The following NID1 variants were observed in gnomAD, a reference collection of about 807,000 sequenced individuals.
NID1 encodes the protein nidogen-1.
NID1 carries 76 observed loss-of-function variants against 130.6 expected under a neutral mutation model. That is an observed-to-expected ratio of 0.58 (90% CI 0.48 to 0.70). The LOEUF (loss-of-function observed/expected upper bound fraction) is 0.70. Among genes scored for constraint, NID1 ranks in the 30% least tolerant of loss-of-function variants. The pLI is 0.00. For missense variants in NID1, 1,517 were observed against 1,664.8 expected, an observed-to-expected ratio of 0.91 and a Z score of 1.54; for synonymous variants, 665 against 675.1, an observed-to-expected ratio of 0.98 and a Z score of 0.23.
At chr1:235,993,496 A>C in intron 13 of NID1, 149 bp downstream of exon 13, 12 of 685,784 alleles carry the variant, frequency 1.7e-5, no homozygotes, top group African/African-American at 3.5e-5. Context: ...GTGAGAGGGA[A>C]GAAGGGTGCA....
At chr1:235,998,043 G>A (rs1421193852) in intron 12 of NID1, among the ~76,000 whole-genome samples, 3 of 152,186 alleles carry the variant, frequency 2.0e-5, no homozygotes, top group African/African-American at 4.8e-5. Flanking sequence ...GGGAGGTGAC[G>A]AGACAAGGCA....
Position 236,064,985 on chromosome 1 carries a change from T to C in NID1, c.95A>G (p.Gln32Arg). 1 of 1,572,444 alleles carries C rather than the reference T, an allele frequency of 6.4e-7. No individual in the cohort carries two copies. Among genetic ancestry groups the C allele is most frequent in the African/African-American group, 1.4e-5 (1 of 73,784 alleles). Reference sequence around the variant, plus strand: ...TCCGGGGCCGAAGGGAAAGAGCTCCTGGCGGCTCAGGCAGCCCACAGGCCC... The same window carrying C: ...TCCGGGGCCGAAGGGAAAGAGCTCCCGGCGGCTCAGGCAGCCCACAGGCCC... ...LAGPVGCLSR[Q>R]ELFPFGPGQG... The change falls in exon 1 of 20, where the codon CAG becomes CGG. Residue 32 changes from glutamine (Q) to arginine (R), a missense_variant. Gln to Arg is a conservative substitution (Grantham distance 43, BLOSUM62 1). This residue lies in a region of NID1 where 1,329 missense variants were observed against 1,429.2 expected (regional missense o/e 0.93). Coordinates refer to ENST00000264187, the MANE Select transcript of NID1 (RefSeq NM_002508.3).
chr1:235,980,002 CA>C (rs3831989), intron 17 of NID1, 57 bp from the exon 18 acceptor site: 20 of 1,572,670 alleles, frequency 1.3e-5, no homozygotes, highest in Non-Finnish European at 1.3e-5. Context: ...CCCCTTTGTG[CA>C]AAAAAAACAA....
At chr1:235,994,700 C>CTTT (rs11397466) in intron 12 of NID1, among the ~76,000 whole-genome samples, 5 of 142,122 alleles carry the variant, frequency 3.5e-5, no homozygotes, top group Admixed American at 6.9e-5. Context: ...TCTTCTTCTT[C>CTTT]TTTTTTTTTT....
At chr1:236,043,052 T>C (rs1397111542) in intron 3 of NID1, among the ~76,000 whole-genome samples, 1 of 152,158 alleles carries the variant, frequency 6.6e-6, no homozygotes, top group Non-Finnish European at 1.5e-5. Context: ...GTTGAACACA[T>C]CAAGGTGCGG....
At chr1:236,037,475 T>G (rs1659293572) in intron 5 of NID1, among the ~76,000 whole-genome samples, 1 of 152,182 alleles carries the variant, frequency 6.6e-6, no homozygotes, top group African/African-American at 2.4e-5. Context: ...CTGGCCAACA[T>G]GGAGAAACCC....
intron 14 of NID1, 96 bp from the exon 15 acceptor site, chr1:235,985,601 A>G (rs996705797): frequency 5.8e-6 from 8 of 1,387,908 alleles, no homozygotes; most frequent in African/African-American, 1.4e-5. Context: ...TATCTTTTGT[A>G]ATGAAGTGTC....
chr1:236,041,677 C>G (rs1219189064), intron 4 of NID1, among the ~76,000 whole-genome samples: 3 of 152,150 alleles, frequency 2.0e-5, no homozygotes, highest in African/African-American at 7.2e-5. Flanking sequence ...AAGACACACT[C>G]AACAGTCTCC....
intron 1 of NID1, among the ~76,000 whole-genome samples, chr1:236,063,490 AT>A (rs200714896): frequency 6.2e-5 from 9 of 144,248 alleles, no homozygotes; most frequent in South Asian, 2.1e-4. Context: ...AAATAAATAA[AT>A]AAATAAATAA....
intron 4 of NID1, among the ~76,000 whole-genome samples, chr1:236,040,577 G>T (rs1041899615): frequency 1.3e-5 from 2 of 151,822 alleles, no homozygotes; most frequent in South Asian, 4.1e-4. Context: ...TAAAGGCTTG[G>T]ACTATCCCAT....
intron 15 of NID1, among the ~76,000 whole-genome samples, chr1:235,982,846 G>T (rs1279742990): frequency 3.3e-5 from 5 of 152,146 alleles, no homozygotes; most frequent in Non-Finnish European, 7.3e-5. Context: ...TCTGGGGTAT[G>T]AGGCAACCAT....
At chr1:236,056,311 T>C (rs1482330349) in intron 1 of NID1, among the ~76,000 whole-genome samples, 1 of 152,208 alleles carries the variant, frequency 6.6e-6, no homozygotes, top group Non-Finnish European at 1.5e-5. Context: ...CACTGTCTTT[T>C]TGTGTTCGTG....
At chr1:236,018,343 A>G (rs1304306926) in intron 9 of NID1, among the ~76,000 whole-genome samples, 1 of 152,204 alleles carries the variant, frequency 6.6e-6, no homozygotes, top group Non-Finnish European at 1.5e-5. Flanking sequence ...AGATTACGGA[A>G]AATGGATGGA....
chr1:236,011,296 C>CTTTT (rs3077493), intron 12 of NID1, among the ~76,000 whole-genome samples: 31,416 of 135,586 alleles, frequency 0.23, 4,313 homozygotes, highest in Non-Finnish European at 0.33. Flanking sequence ...CAAATATATT[C>CTTTT]TTTTTTTTTC....
chr1:235,980,333 C>A (rs1315750505), intron 17 of NID1, among the ~76,000 whole-genome samples, 163 bp downstream of exon 17: 3 of 152,144 alleles, frequency 2.0e-5, no homozygotes, highest in African/African-American at 4.8e-5. Context: ...AATTTTGTAC[C>A]AGTATATATT....
intron 9 of NID1, among the ~76,000 whole-genome samples, chr1:236,018,012 G>GA (rs1348870589): frequency 6.6e-6 from 1 of 152,136 alleles, no homozygotes; most frequent in Admixed American, 6.5e-5. Context: ...TGTTACAAAG[G>GA]AAAATTGAAC....
At position 236,041,977 on chromosome 1, in the gene NID1, T is replaced by C. The variant is rs551754662; in HGVS notation, c.1068A>G (p.Ala356=). ...PTERTRSFQL[A]VETFHQQHPQ... ...GGTGCTGCTGGTGAAAAGTCTCCAC[T>C]GCCAACTGGAAAGACCTGGTTCTCT... is the stretch of plus-strand genomic sequence containing the variant. Residue 356 remains alanine, a synonymous_variant, in exon 4 of 20, where the codon GCA becomes GCG. Transcript: ENST00000264187. The C allele has an allele frequency of 7.4e-6, 12 of 1,613,990 alleles. No individual in the cohort carries two copies. Among genetic ancestry groups the C allele is most frequent in the Non-Finnish European group, 1.0e-5 (12 of 1,180,026 alleles).
chr1:236,064,702 T>G (rs1571913167), intron 1 of NID1, 153 bp downstream of exon 1: 1 of 700,970 alleles, frequency 1.4e-6, no homozygotes, highest in East Asian at 3.4e-5. Flanking sequence ...TCGCGGACCC[T>G]GCAGAGGCGG....
chr1:236,024,238 CA>C, intron 8 of NID1, 25 bp from the exon 9 acceptor site: 1 of 1,613,094 alleles, frequency 6.2e-7, no homozygotes, highest in Non-Finnish European at 8.5e-7. Flanking sequence ...ACATTGGAAC[CA>C]AGTGAGTCTT....
Sources: gnomAD v4.1 joint callset for allele counts (sites outside exome capture counted in the v4.1 genomes callset) on GRCh38, gnomAD v4.1.1 for gene constraint, gnomAD v4.1.1 regional missense constraint, MANE v1.5 for transcripts, NCBI Gene and HGNC (gene_info 2026-07-23, HGNC 2026-07-21) for gene names.